Variants in ABCG5 observed in about 807,000 individuals in gnomAD.
ABCG5 encodes the protein ATP binding cassette subfamily G member 5, also known as ATP-binding cassette sub-family G member 5.
Under a neutral mutation model 64.5 loss-of-function variants are expected in ABCG5, and 64 were observed. The ratio of observed to expected loss-of-function variants is 0.99; its 90% confidence interval spans 0.81 to 1.22. The LOEUF is 1.22. ABCG5 is among the 50% of genes most tolerant of loss of function. The pLI, the probability that ABCG5 is intolerant of heterozygous loss-of-function variation, is 0.00. For synonymous variants in ABCG5, 385 were observed against 326.3 expected (o/e 1.18, Z -1.94); for missense variants, 908 against 829.5 (o/e 1.09, Z -1.16).
intron 12 of ABCG5, among the ~76,000 whole-genome samples, 200 bp from the exon 13 acceptor site, chr2:43,813,509 T>C (rs1384333232): frequency 1.3e-5 from 2 of 152,166 alleles, no homozygotes; most frequent in Non-Finnish European, 2.9e-5. Context: ...CTTTTGTTTC[T>C]ATTTTGGGTA....
intron 11 of ABCG5, among the ~76,000 whole-genome samples, chr2:43,816,744 T>G (rs1341663883): frequency 1.3e-5 from 2 of 152,194 alleles, no homozygotes; most frequent in Non-Finnish European, 2.9e-5. Context: ...AAAAAAAGTA[T>G]GCATATTTTA....
At chr2:43,814,794 CATTTT>C (rs1337144472) in intron 11 of ABCG5, among the ~76,000 whole-genome samples, 16 of 152,142 alleles carry the variant, frequency 1.1e-4, no homozygotes, top group African/African-American at 3.9e-4. Flanking sequence ...CTATTGTTAA[CATTTT>C]GGTAATATAT....
At chr2:43,814,386 A>G in intron 12 of ABCG5, 91 bp downstream of exon 12, 1 of 828,530 alleles carries the variant, frequency 1.2e-6, no homozygotes, top group Non-Finnish European at 2.0e-6. Context: ...TTATTATAAA[A>G]CACAGTTTTT....
chr2:43,816,438 G>A (rs1481740109), intron 11 of ABCG5, among the ~76,000 whole-genome samples: 1 of 152,216 alleles, frequency 6.6e-6, no homozygotes, highest in South Asian at 2.1e-4. Context: ...GTGGCGGAGA[G>A]AGAGAAATGG....
chr2:43,826,175 T>A (rs1282709262), intron 6 of ABCG5, among the ~76,000 whole-genome samples: 1 of 151,592 alleles, frequency 6.6e-6, no homozygotes, highest in Non-Finnish European at 1.5e-5. Flanking sequence ...TCTTTTTTTT[T>A]TTTTTAGAGA....
In ABCG5 at chr2:43,812,495, G is replaced by A. The variant is rs144987434; in HGVS notation, c.*621C>T. On this transcript the variant is annotated 3_prime_UTR_variant, in exon 13 of 13. Coordinates refer to ENST00000405322, the MANE Select transcript of ABCG5 (RefSeq NM_022436.3). The stretch of plus-strand genomic sequence containing the variant: ...GTTCACTGTTGAGCCCATTCCTACG[G>A]TTTTTTATTTTAATCCTCAGTAAAA... 349 of 152,922 alleles carry A rather than the reference G, an allele frequency of 2.3e-3. 1 individual carries two copies. The highest frequency in any genetic ancestry group is 3.9e-3 in the Non-Finnish European group (269 of 68,600). 9.5% of individuals were successfully genotyped at this position (152,922 alleles called of 1,614,324 possible).
chr2:43,831,330 G>A (rs1269126355), intron 4 of ABCG5, among the ~76,000 whole-genome samples: 1 of 151,922 alleles, frequency 6.6e-6, no homozygotes, highest in Non-Finnish European at 1.5e-5. Context: ...ACATCACCAC[G>A]TCCAACTAAT....
chr2:43,833,406 G>A (rs560857730), intron 2 of ABCG5, among the ~76,000 whole-genome samples: 4 of 143,486 alleles, frequency 2.8e-5, no homozygotes, highest in East Asian at 2.0e-4. Flanking sequence ...TTATTGAGAC[G>A]AAGTATCGCT....
chr2:43,826,850 T>C (rs1466205472), intron 5 of ABCG5, among the ~76,000 whole-genome samples: 1 of 152,186 alleles, frequency 6.6e-6, no homozygotes, highest in Non-Finnish European at 1.5e-5. Flanking sequence ...CAAGTTGTTT[T>C]AAAACAAGAC....
At chr2:43,815,357 C>CT (rs1407107039) in intron 11 of ABCG5, among the ~76,000 whole-genome samples, 1 of 152,094 alleles carries the variant, frequency 6.6e-6, no homozygotes, top group African/African-American at 2.4e-5. Context: ...AAGATGTATC[C>CT]TATCCCTAAA....
chr2:43,828,718 C>T (rs1667787172), intron 4 of ABCG5, among the ~76,000 whole-genome samples: 1 of 151,696 alleles, frequency 6.6e-6, no homozygotes, highest in Non-Finnish European at 1.5e-5. Flanking sequence ...GTAATCCCAG[C>T]ACTTTGGGAG....
intron 10 of ABCG5, 137 bp downstream of exon 10, chr2:43,822,660 A>G: frequency 6.4e-7 from 1 of 1,550,528 alleles, no homozygotes; most frequent in Non-Finnish European, 8.7e-7. Flanking sequence ...AAGATACGAC[A>G]TTGCACTAGA....
chr2:43,824,133 C>A lies in ABCG5; in HGVS notation c.1119-15G>T. 2 of 1,614,184 alleles carry A rather than the reference C, an allele frequency of 1.2e-6. No homozygotes were observed. The highest frequency in any genetic ancestry group is 1.1e-5 in the South Asian group (1 of 91,080). ...TTGTCACTCTCCTGAAAACAAACAACCCTGTTTTAATTCCTTTTCAGAATT... is the reference window on the plus strand; with the variant it reads ...TTGTCACTCTCCTGAAAACAAACAAACCTGTTTTAATTCCTTTTCAGAATT... On this transcript the variant is annotated splice_polypyrimidine_tract_variant and intron_variant, in intron 8 of 12. Coordinates refer to ENST00000405322, the MANE Select transcript of ABCG5 (RefSeq NM_022436.3).
rs370368811 is a variant in ABCG5 at position 43,827,982 on chromosome 2, C to G, written c.634+1G>C. 12 of 1,613,908 alleles carry G rather than the reference C, an allele frequency of 7.4e-6. No individual in the cohort carries two copies. Among genetic ancestry groups the G allele is most frequent in the Non-Finnish European group, 1.0e-5 (12 of 1,180,020 alleles). Reference sequence around the variant, plus strand: ...TAGTAACAGTTCTGGGTGCCACTTACTAGGATCCTGGAGCAGCTGGGCTGC... The same window carrying G: ...TAGTAACAGTTCTGGGTGCCACTTAGTAGGATCCTGGAGCAGCTGGGCTGC... On this transcript the variant is annotated splice_donor_variant, in intron 5 of 12. Coordinates refer to ENST00000405322, the MANE Select transcript of ABCG5 (RefSeq NM_022436.3). LOFTEE classifies it high-confidence loss of function.
At chr2:43,807,817 C>T (rs373080624), downstream of ABCG5, among the ~76,000 whole-genome samples, 1 of 144,606 alleles carries the variant, frequency 6.9e-6, no homozygotes, top group Non-Finnish European at 1.5e-5. Context: ...TGGCCAACCA[C>T]AGTTATCTTC....
At chr2:43,813,697 G>GTTTT (rs1235368677) in intron 12 of ABCG5, among the ~76,000 whole-genome samples, 1 of 91,316 alleles carries the variant, frequency 1.1e-5, no homozygotes, top group Admixed American at 1.1e-4. Flanking sequence ...TTTTTTTGGG[G>GTTTT]TTTTTTTTTT....
intron 2 of ABCG5, 183 bp from the exon 3 acceptor site, chr2:43,832,266 C>A: frequency 1.3e-6 from 1 of 752,000 alleles, no homozygotes; most frequent in Non-Finnish European, 2.2e-6. Context: ...ACTGTGCGTG[C>A]AGCAGTCTCA....
Position 43,838,504 on chromosome 2 carries a change from G to T in ABCG5, c.143+33C>A, listed in dbSNP as rs1386799104. ...GGTGAGCGCCGGGCCCCGCACTCCTGGGGGAGCAGCAGCAGCAAGGGCTCT... is the reference window on the plus strand; with the variant it reads ...GGTGAGCGCCGGGCCCCGCACTCCTTGGGGAGCAGCAGCAGCAAGGGCTCT... On this transcript the variant is annotated intron_variant, in intron 1 of 12. Transcript: ENST00000405322. The surrounding 1 kb of genome is among the most constrained non-coding windows in gnomAD (Gnocchi z 4.2). The T allele has an allele frequency of 6.3e-7, 1 of 1,575,410 alleles. No homozygotes were observed. Among genetic ancestry groups the T allele is most frequent in the South Asian group, 1.2e-5 (1 of 86,426 alleles).
chr2:43,838,936 C>T, upstream of ABCG5: 3 of 1,253,502 alleles, frequency 2.4e-6, no homozygotes, highest in Non-Finnish European at 3.4e-6. The surrounding 1 kb of genome is among the most constrained non-coding windows in gnomAD (Gnocchi z 4.2). Flanking sequence ...GAGAGACGGG[C>T]CCAGGGCAGG....
Sources: gnomAD v4.1 joint callset for allele counts (sites outside exome capture counted in the v4.1 genomes callset) on GRCh38, gnomAD v4.1.1 for gene constraint, Gnocchi (gnomAD v3.1) non-coding constraint, MANE v1.5 for transcripts, NCBI Gene and HGNC (gene_info 2026-07-23, HGNC 2026-07-21) for gene names.